The following SLC28A3 variants were observed in gnomAD, a reference collection of about 807,000 sequenced individuals.
The protein encoded by SLC28A3 is concentrative Na(+)-nucleoside cotransporter 3.
Under a neutral mutation model 84.2 loss-of-function variants are expected in SLC28A3, and 68 were observed. The ratio of observed to expected loss-of-function variants is 0.81; its 90% CI spans 0.66 to 0.99. The LOEUF is 0.99. Ranked by LOEUF, SLC28A3 falls within the 50% of genes least tolerant of loss-of-function variation. The pLI, the probability that SLC28A3 is intolerant of heterozygous loss-of-function variation, is 0.00. For missense variants in SLC28A3, 712 were observed against 841.5 expected, an observed-to-expected ratio of 0.85 and a Z score of 1.90; for synonymous variants, 267 against 303.6, an observed-to-expected ratio of 0.88 and a Z score of 1.25.
chr9:84,287,157 AAAACAAAC>A lies in SLC28A3; in HGVS notation c.1280+883_1280+890del, dbSNP rs142474844. Among the ~76,000 whole-genome samples, 1,005 of 151,444 alleles carry A rather than the reference AAAACAAAC, an allele frequency of 6.6e-3. 9 individuals carry two copies. Among genetic ancestry groups the A allele is most frequent in the African/African-American group, 0.023 (936 of 41,112 alleles). On this transcript the variant is annotated intron_variant, in intron 12 of 17. Coordinates refer to ENST00000376238, the MANE Select transcript of SLC28A3 (RefSeq NM_001199633.2). ...CTGGGTGACAGAGTGAGACCCTGTCAAAACAAACAAACAAACAAACAAAAAAACAACAT... is the reference window on the plus strand; with the variant it reads ...CTGGGTGACAGAGTGAGACCCTGTCAAAACAAACAAACAAAAAAACAACAT...
At chr9:84,350,470 G>A in the SLC28A3 span, among the ~76,000 whole-genome samples, 31 of 146,304 alleles carry the variant, frequency 2.1e-4, no homozygotes, top group Middle Eastern at 0.01. Flanking sequence ...AAATAAATAG[G>A]TATAAAAATA....
chr9:84,357,267 C>T, the SLC28A3 span, among the ~76,000 whole-genome samples: 2 of 152,096 alleles, frequency 1.3e-5, no homozygotes, highest in South Asian at 2.1e-4. Context: ...TCTTCATTCA[C>T]GAGAAGTAAA....
At chr9:84,291,636 G>A (rs1202511133) in intron 10 of SLC28A3, among the ~76,000 whole-genome samples, 1 of 152,192 alleles carries the variant, frequency 6.6e-6, no homozygotes, top group African/African-American at 2.4e-5. Context: ...GCGCCCAGCC[G>A]TAAGCATAGT....
At chr9:84,302,455 C>T (rs1825669661) in intron 4 of SLC28A3, 66 bp from the exon 5 acceptor site, 4 of 1,535,848 alleles carry the variant, frequency 2.6e-6, no homozygotes, top group Non-Finnish European at 3.5e-6. Context: ...CAGGCTCCAG[C>T]CTTGTTCTGG....
At chr9:84,286,582 G>T (rs1420394824) in intron 12 of SLC28A3, among the ~76,000 whole-genome samples, 1 of 150,082 alleles carries the variant, frequency 6.7e-6, no homozygotes, top group East Asian at 2.0e-4. Context: ...TTTTAAATTT[G>T]GGGACATTTA....
chr9:84,280,938 T>C (rs10868135), intron 14 of SLC28A3, 56 bp from the exon 15 acceptor site: 208,744 of 1,537,702 alleles, frequency 0.14, 14,860 homozygotes, highest in Admixed American at 0.18. Flanking sequence ...TTAACAAATC[T>C]GACATCCAAC....
intron 1 of SLC28A3, among the ~76,000 whole-genome samples, chr9:84,333,880 A>G (rs1588625180): frequency 6.6e-6 from 1 of 152,248 alleles, no homozygotes; most frequent in East Asian, 1.9e-4. Context: ...AGAAGCTCCA[A>G]AAACCCCAAA....
chr9:84,350,343 G>C, the SLC28A3 span, among the ~76,000 whole-genome samples: 1 of 152,136 alleles, frequency 6.6e-6, no homozygotes, highest in Non-Finnish European at 1.5e-5. Context: ...TCGGGAGGCT[G>C]AGGCAGGGGA....
At chr9:84,306,054 G>A (rs1825778054) in intron 3 of SLC28A3, among the ~76,000 whole-genome samples, 1 of 152,096 alleles carries the variant, frequency 6.6e-6, no homozygotes, top group African/African-American at 2.4e-5. Flanking sequence ...AGTTCCCCAG[G>A]AGTGAGCTGG....
chr9:84,320,050 T>TTTG lies in SLC28A3; in HGVS notation c.61-6597_61-6596insCAA, dbSNP rs1564170413. ...AGCCTGGCTTGCACTGTTTTTTTTTTTTTTTTTTTTTTTTTTTGAGACAGA... is the reference window on the plus strand; with the variant it reads ...AGCCTGGCTTGCACTGTTTTTTTTTTTTGTTTTTTTTTTTTTTTTTGAGACAGA... On this transcript the variant is annotated intron_variant, in intron 1 of 17. Transcript: ENST00000376238. 3.6e-4 allele frequency among the ~76,000 whole-genome samples: 47 copies of TTTG among 128,778 alleles called. 3 individuals are homozygous for TTTG. Among genetic ancestry groups the TTTG allele is most frequent in the African/African-American group, 1.4e-3 (43 of 30,282 alleles). 84.5% of individuals were successfully genotyped at this position (128,778 alleles called of 152,430 possible). A position where few individuals can be genotyped will look rare whatever the true frequency, so the allele number is the denominator to read the frequency against.
Position 84,299,622 on chromosome 9 carries a change from A to G in SLC28A3, c.628T>C (p.Tyr210His), listed in dbSNP as rs1435518891. 6.2e-7 allele frequency: 1 copy of G among 1,613,976 alleles called. No homozygotes were observed. The highest frequency in any genetic ancestry group is 8.5e-7 in the Non-Finnish European group (1 of 1,179,978). Reference protein sequence around the residue: ...QLVSFGGLIMYIVLLFLFSKY... With the variant: ...QLVSFGGLIMHIVLLFLFSKY... ...GAAAATAGAAATAACAGGACAATGT[A>G]CATTATGAGCCCACCGAAGGACACC... The change falls in exon 6 of 18, where the codon TAC (tyrosine) becomes CAC (histidine). Residue 210 changes from tyrosine to histidine, a missense_variant. Tyr to His is a moderately conservative substitution (Grantham distance 83, BLOSUM62 2). Transcript: ENST00000376238.
Position 84,276,847 on chromosome 9 carries a change from T to C in SLC28A3, c.*1371A>G, listed in dbSNP as rs1228773020. The C allele has an allele frequency of 1.3e-5, 2 of 152,210 alleles. No homozygotes were observed. The highest frequency in any genetic ancestry group is 2.9e-5 in the Non-Finnish European group (2 of 68,038). 9.4% of individuals were successfully genotyped at this position (152,210 alleles called of 1,614,324 possible). The stretch of plus-strand genomic sequence containing the variant: ...GAAGGAAAAATAGAAACAAAATAAA[T>C]TACTTAAGGTATTTCAAAACCTTTT... On this transcript the variant is annotated 3_prime_UTR_variant, in exon 18 of 18. Coordinates refer to ENST00000376238, the MANE Select transcript of SLC28A3 (RefSeq NM_001199633.2).
chr9:84,285,900 A>G (rs1323104192), intron 13 of SLC28A3, 43 bp downstream of exon 13: 1 of 1,579,386 alleles, frequency 6.3e-7, no homozygotes, highest in Non-Finnish European at 8.6e-7. Context: ...AAACAAAGAT[A>G]GGCAGAAACA....
At chr9:84,306,372 C>T (rs1448787084) in intron 3 of SLC28A3, among the ~76,000 whole-genome samples, 7 of 152,218 alleles carry the variant, frequency 4.6e-5, no homozygotes, top group Non-Finnish European at 1.0e-4. Context: ...TCGCCTGCAC[C>T]TCCAAGTCAG....
intron 11 of SLC28A3, among the ~76,000 whole-genome samples, chr9:84,289,112 C>T (rs1825111512): frequency 6.6e-6 from 1 of 152,098 alleles, no homozygotes; most frequent in African/African-American, 2.4e-5. Flanking sequence ...TTCAGAATTC[C>T]AGGATCAACA....
intron 12 of SLC28A3, 129 bp downstream of exon 12, chr9:84,287,919 T>G: frequency 8.0e-7 from 1 of 1,245,550 alleles, no homozygotes. Context: ...GTCTAAATAG[T>G]CTTTGGACTA....
upstream of SLC28A3, among the ~76,000 whole-genome samples, chr9:84,344,162 A>T (rs927678032): frequency 6.6e-6 from 1 of 151,212 alleles, no homozygotes; most frequent in Non-Finnish European, 1.5e-5. Context: ...ATGCCCTACA[A>T]ATCATAAATT....
intron 17 of SLC28A3, 47 bp downstream of exon 17, chr9:84,279,218 T>TTGA: frequency 6.8e-7 from 1 of 1,466,222 alleles, no homozygotes. Flanking sequence ...TGTGATTTGA[T>TTGA]TGATTATTAA....
chr9:84,334,380 G>T (rs1376848828), intron 1 of SLC28A3, among the ~76,000 whole-genome samples: 1 of 152,164 alleles, frequency 6.6e-6, no homozygotes, highest in African/African-American at 2.4e-5. Flanking sequence ...CCAGGCAAAG[G>T]TACTGCTTGG....
Sources: allele counts gnomAD v4.1 joint callset (sites outside exome capture counted in the v4.1 genomes callset), GRCh38; gene constraint gnomAD v4.1.1; transcripts MANE v1.5; gene names NCBI Gene and HGNC (gene_info 2026-07-23, HGNC 2026-07-21).